The following ABCC9 variants were observed in gnomAD, a reference collection of about 807,000 sequenced individuals.
ABCC9 encodes ATP binding cassette subfamily C member 9.
In ABCC9, 95 loss-of-function variants were observed where a neutral mutation model predicts 188.3. The observed-to-expected ratio is 0.50, with a 90% CI of 0.43 to 0.60. The LOEUF (loss-of-function observed/expected upper bound fraction) is 0.60, where lower values mean the gene tolerates loss of function less well. Among genes scored for constraint, ABCC9 ranks in the 20% least tolerant of loss-of-function variants. ABCC9 has a pLI of 0.00. For missense variants in ABCC9, 1,102 were observed against 1,876.3 expected, an observed-to-expected ratio of 0.59 and a Z score of 7.62; for synonymous variants, 659 against 652.7, an observed-to-expected ratio of 1.01 and a Z score of -0.15.
chr12:21,940,030 T>C (rs910313977), intron 2 of ABCC9, among the ~76,000 whole-genome samples: 1 of 152,196 alleles, frequency 6.6e-6, no homozygotes, highest in African/African-American at 2.4e-5. Context: ...AGTTATCTGA[T>C]TTAATTCTAA....
intron 12 of ABCC9, among the ~76,000 whole-genome samples, chr12:21,896,079 C>CTTTTTTTTTTTTTTTTTTTATTTTTTTTT (rs1947391468): frequency 1.6e-5 from 2 of 128,046 alleles, no homozygotes; most frequent in African/African-American, 2.9e-5. Flanking sequence ...ATCTAATTTT[C>CTTTTTTTTTTTTTTTTTTTATTTTTTTTT]TTTTTTTTTT....
intron 37 of ABCC9, among the ~76,000 whole-genome samples, chr12:21,807,704 T>C (rs915246339): frequency 1.3e-5 from 2 of 152,200 alleles, no homozygotes; most frequent in Non-Finnish European, 2.9e-5. Flanking sequence ...TTACCTCTGA[T>C]AGGAGGATAT....
chr12:21,859,059 C>A lies in ABCC9; in HGVS notation c.2505+527G>T, dbSNP rs111587670. Among the ~76,000 whole-genome samples the A allele has an allele frequency of 1.5e-4, 23 of 152,200 alleles. 1 individual carries two copies. Among genetic ancestry groups the A allele is most frequent in the African/African-American group, 5.5e-4 (23 of 41,532 alleles). ...TGGATATCACGAAAATCATTCATGA[C>A]GTTTTTAAAGACATAAATTTTAGAT... On this transcript the variant is annotated intron_variant, in intron 22 of 39. Coordinates refer to ENST00000261200, the MANE Select transcript of ABCC9 (RefSeq NM_020297.4).
At chr12:21,889,459 A>C (rs971146979) in intron 14 of ABCC9, among the ~76,000 whole-genome samples, 9 of 152,222 alleles carry the variant, frequency 5.9e-5, no homozygotes, top group Non-Finnish European at 1.3e-4. Context: ...TCTGTCAATC[A>C]AAGGAATACC....
At chr12:21,859,153 C>T (rs1233387221) in intron 22 of ABCC9, among the ~76,000 whole-genome samples, 1 of 152,156 alleles carries the variant, frequency 6.6e-6, no homozygotes, top group Admixed American at 6.5e-5. Flanking sequence ...GGGAGCATCA[C>T]AGATAAAGCT....
intron 21 of ABCC9, among the ~76,000 whole-genome samples, chr12:21,860,232 G>C (rs1945436235): frequency 6.6e-6 from 1 of 152,120 alleles, no homozygotes; most frequent in Admixed American, 6.6e-5. Context: ...GGAAACTGAG[G>C]CTCACAGAAC....
chr12:21,888,023 A>G (rs532864120), intron 14 of ABCC9, 89 bp from the exon 15 acceptor site: 1 of 967,954 alleles, frequency 1.0e-6, no homozygotes, highest in East Asian at 2.4e-5. Context: ...AACACACAGT[A>G]TTATGGTGAG....
intron 25 of ABCC9, among the ~76,000 whole-genome samples, chr12:21,846,501 T>G (rs527822696): frequency 6.6e-6 from 1 of 152,314 alleles, no homozygotes; most frequent in South Asian, 2.1e-4. Flanking sequence ...CTTTATTCAT[T>G]AAAGTTACCC....
At chr12:21,857,549 C>T (rs1945288368) in intron 22 of ABCC9, among the ~76,000 whole-genome samples, 1 of 152,072 alleles carries the variant, frequency 6.6e-6, no homozygotes, top group Non-Finnish European at 1.5e-5. Flanking sequence ...CTTATATGTC[C>T]AGCAGGATTT....
At chr12:21,876,488 TA>T (rs920827427) in intron 16 of ABCC9, among the ~76,000 whole-genome samples, 5 of 150,866 alleles carry the variant, frequency 3.3e-5, no homozygotes, top group African/African-American at 1.2e-4. Flanking sequence ...TCACTGAAGT[TA>T]AAAAAAAAGA....
At chr12:21,912,757 A>T in intron 8 of ABCC9, 115 bp downstream of exon 8, 1 of 876,430 alleles carries the variant, frequency 1.1e-6, no homozygotes, top group Non-Finnish European at 1.6e-6. Context: ...GAAAGCATTC[A>T]ATTCTCTGAA....
chr12:21,874,770 C>T (rs1592125742), intron 17 of ABCC9, among the ~76,000 whole-genome samples: 1 of 152,154 alleles, frequency 6.6e-6, no homozygotes, highest in Non-Finnish European at 1.5e-5. Context: ...AGGAGAAATA[C>T]TGTATGATTC....
intron 16 of ABCC9, among the ~76,000 whole-genome samples, chr12:21,878,594 G>C (rs1187939940): frequency 1.3e-5 from 2 of 152,114 alleles, no homozygotes; most frequent in Non-Finnish European, 2.9e-5. Flanking sequence ...CGGTGGACTA[G>C]GAAACATACT....
chr12:21,806,121 C>A lies in ABCC9; in HGVS notation c.4450-61G>T, dbSNP rs893043868. 5.4e-6 allele frequency: 8 copies of A among 1,477,708 alleles called. No homozygotes were observed. The African/African-American group carries it at 8.3e-5, about 15-fold the overall frequency. The allele number at this position is 1,477,708 out of a possible 1,614,324, so 91.5% of individuals were successfully genotyped here. A position where few individuals can be genotyped will look rare whatever the true frequency, so the allele number is the denominator to read the frequency against. ...TACTTTGTCATCATAATATTTTGCC[C>A]CAAGAACAATCAATATTCCACTGAA... On this transcript the variant is annotated intron_variant, in intron 38 of 39. Transcript: ENST00000261200.
At chr12:21,859,444 A>G in intron 22 of ABCC9, 142 bp downstream of exon 22, 1 of 828,084 alleles carries the variant, frequency 1.2e-6, no homozygotes, top group Non-Finnish European at 2.1e-6. Context: ...TCTGTACTTC[A>G]AGGATTTATT....
intron 24 of ABCC9, among the ~76,000 whole-genome samples, chr12:21,850,143 G>A (rs1165836341): frequency 2.0e-5 from 3 of 150,826 alleles, no homozygotes; most frequent in Non-Finnish European, 2.9e-5. Flanking sequence ...ATTGCAGAAT[G>A]TTGAGCACAC....
intron 12 of ABCC9, among the ~76,000 whole-genome samples, chr12:21,899,487 G>A (rs539101204): frequency 2.8e-4 from 43 of 152,258 alleles, no homozygotes; most frequent in African/African-American, 8.4e-4. Context: ...GCAGCCCACC[G>A]AGCATGAGCC....
At chr12:21,913,755 A>T (rs1009992055) in intron 7 of ABCC9, among the ~76,000 whole-genome samples, 46 of 152,312 alleles carry the variant, frequency 3.0e-4, no homozygotes, top group South Asian at 8.3e-4. Context: ...AAATTTTAAG[A>T]CCTGAGCAAT....
chr12:21,809,111 A>G (rs532244769), intron 37 of ABCC9, among the ~76,000 whole-genome samples: 2 of 152,256 alleles, frequency 1.3e-5, no homozygotes, highest in East Asian at 1.9e-4. Context: ...TATCTTTCCT[A>G]TTGCTTTCTT....
Sources: allele counts gnomAD v4.1 joint callset (sites outside exome capture counted in the v4.1 genomes callset), GRCh38; gene constraint gnomAD v4.1.1; transcripts MANE v1.5; gene names NCBI Gene and HGNC (gene_info 2026-07-23, HGNC 2026-07-21).